Variants in IQCJ observed in about 807,000 individuals in gnomAD.
IQCJ encodes IQ motif containing J.
In IQCJ, 9 loss-of-function variants were observed where a neutral mutation model predicts 11.0. That is an observed-to-expected ratio of 0.82 (90% confidence interval 0.49 to 1.43). The LOEUF is 1.43. Among genes scored for constraint, IQCJ ranks in the 40% most tolerant of loss-of-function variants. The pLI, the probability that IQCJ is intolerant of heterozygous loss-of-function variation, is 0.00. For missense variants in IQCJ, 146 were observed against 133.2 expected, an observed-to-expected ratio of 1.10 and a Z score of -0.47; for synonymous variants, 55 against 51.3, an observed-to-expected ratio of 1.07 and a Z score of -0.31.
chr3:159,168,822 A>G (rs1370825877), intron 1 of IQCJ, among the ~76,000 whole-genome samples: 1 of 152,008 alleles, frequency 6.6e-6, no homozygotes, highest in Non-Finnish European at 1.5e-5. Flanking sequence ...AAAAAAACCC[A>G]AAGAACAAAA....
Position 159,104,469 on chromosome 3 carries a change from G to C in IQCJ, c.9+35028G>C, listed in dbSNP as rs879808884. Among the ~76,000 whole-genome samples the C allele has an allele frequency of 1.2e-4, 19 of 152,192 alleles. 1 individual carries two copies. The highest frequency in any genetic ancestry group is 2.6e-4 in the Admixed American group (4 of 15,282). ...TAATTGTATGTGTTAATGTGCTATA[G>C]TTCTTATTCTTTCTTACCTTTTCCC... On this transcript the variant is annotated intron_variant, in intron 1 of 3. Transcript: ENST00000397832.
intron 1 of IQCJ, among the ~76,000 whole-genome samples, chr3:159,176,015 ATG>A (rs747965944): frequency 6.6e-6 from 1 of 152,160 alleles, no homozygotes; most frequent in African/African-American, 2.4e-5. Flanking sequence ...TAGTTGGTGT[ATG>A]TATTTCCCTA....
chr3:159,117,452 G>A (rs183303276), intron 1 of IQCJ, among the ~76,000 whole-genome samples: 11 of 152,230 alleles, frequency 7.2e-5, no homozygotes, highest in Admixed American at 1.3e-4. Context: ...CTTATTTCCC[G>A]TTTAGTCCTT....
chr3:159,080,499 G>C (rs555396922), intron 1 of IQCJ, among the ~76,000 whole-genome samples: 1 of 152,036 alleles, frequency 6.6e-6, no homozygotes, highest in African/African-American at 2.4e-5. Flanking sequence ...CACCAGCCCC[G>C]CTGTCAGAGT....
At chr3:159,203,678 G>T (rs1264399253) in intron 1 of IQCJ, among the ~76,000 whole-genome samples, 1 of 152,066 alleles carries the variant, frequency 6.6e-6, no homozygotes, top group Non-Finnish European at 1.5e-5. Context: ...GAGAAGCGGG[G>T]AGGTGGGAGA....
At chr3:159,222,295 G>A (rs2621279) in intron 1 of IQCJ, among the ~76,000 whole-genome samples, 122,616 of 152,130 alleles carry the variant, frequency 0.81, 50,286 homozygotes, top group African/African-American at 0.95. Flanking sequence ...CTACACATAC[G>A]CATGAAATAT....
intron 1 of IQCJ, among the ~76,000 whole-genome samples, chr3:159,202,529 A>G (rs1724411351): frequency 6.6e-6 from 1 of 152,140 alleles, no homozygotes; most frequent in African/African-American, 2.4e-5. Flanking sequence ...TCTCTCTTGA[A>G]GCAGATAAGG....
In IQCJ at chr3:159,149,074, A is replaced by G. The variant is rs540994276; in HGVS notation, c.9+79633A>G. The stretch of plus-strand genomic sequence containing the variant: ...CCCACTAAATAATTAAAATAAACAA[A>G]TGACTAATTTGCTTACTTTTAATTT... On this transcript the variant is annotated intron_variant, in intron 1 of 3. Transcript: ENST00000397832. Among the ~76,000 whole-genome samples, 12 of 152,340 alleles carry G rather than the reference A, an allele frequency of 7.9e-5. No individual in the cohort carries two copies. In the South Asian group the frequency reaches 2.5e-3, roughly 32 times the overall value.
rs377664899 is a variant in IQCJ, at chr3:159,115,293, C to T, written c.9+45852C>T. 2.2e-4 allele frequency among the ~76,000 whole-genome samples: 34 copies of T among 152,304 alleles called. No homozygotes were observed. In the East Asian group the frequency reaches 3.3e-3, roughly 15 times the overall value. On this transcript the variant is annotated intron_variant, in intron 1 of 3. Transcript: ENST00000397832. ...GGCCTCATCCCTTCAACACCCCCAC[C>T]CCCATTAACACATGGATGGTGAAAA...
At chr3:159,146,411 G>A (rs1720930538) in intron 1 of IQCJ, among the ~76,000 whole-genome samples, 1 of 152,176 alleles carries the variant, frequency 6.6e-6, no homozygotes, top group Non-Finnish European at 1.5e-5. Context: ...CTTGCCTCCT[G>A]TGCCCCTTTG....
At chr3:159,261,348 A>G (rs11924990) in intron 3 of IQCJ, among the ~76,000 whole-genome samples, 22,102 of 152,164 alleles carry the variant, frequency 0.15, 1,831 homozygotes, top group Middle Eastern at 0.21. Flanking sequence ...GACCCCCCCT[A>G]TGAAAATCGA....
Position 159,263,731 on chromosome 3 carries a change from G to A in IQCJ, c.*1000G>A. 12 of 984,888 alleles carry A rather than the reference G, an allele frequency of 1.2e-5. No individual in the cohort carries two copies. Among genetic ancestry groups the A allele is most frequent in the Non-Finnish European group, 1.4e-5 (12 of 829,444 alleles). The allele number at this position is 984,888 out of a possible 1,614,324, so 61.0% of individuals were successfully genotyped here. Reference sequence around the variant, plus strand: ...TGAAATGTTTTCAGATGGTTGCATTGCATATTCTTCAATAAATGGTTTTGC... The same window carrying A: ...TGAAATGTTTTCAGATGGTTGCATTACATATTCTTCAATAAATGGTTTTGC... On this transcript the variant is annotated 3_prime_UTR_variant, in exon 4 of 4. Coordinates refer to ENST00000397832, the MANE Select transcript of IQCJ (RefSeq NM_001042706.3).
intron 1 of IQCJ, among the ~76,000 whole-genome samples, chr3:159,202,472 C>T (rs559631485): frequency 2.6e-5 from 4 of 152,154 alleles, no homozygotes; most frequent in Non-Finnish European, 5.9e-5. Context: ...TTCCCAGGTG[C>T]TTCCTATGGA....
intron 1 of IQCJ, among the ~76,000 whole-genome samples, chr3:159,159,998 A>G (rs1375108928): frequency 1.3e-5 from 2 of 152,204 alleles, no homozygotes; most frequent in Non-Finnish European, 2.9e-5. Flanking sequence ...TTTTCATTAT[A>G]AATTACCCAT....
At chr3:159,180,055 C>T (rs555684907) in intron 1 of IQCJ, among the ~76,000 whole-genome samples, 26 of 152,196 alleles carry the variant, frequency 1.7e-4, no homozygotes, top group African/African-American at 5.1e-4. Context: ...TGGTAGAAGG[C>T]GCTAGGGCAG....
At chr3:159,225,417 C>A (rs1725799890) in intron 1 of IQCJ, among the ~76,000 whole-genome samples, 1 of 151,966 alleles carries the variant, frequency 6.6e-6, no homozygotes, top group South Asian at 2.1e-4. Context: ...AAGGGGGGAG[C>A]AGAGGAGCCT....
chr3:159,216,740 A>T (rs1472600518), intron 1 of IQCJ, among the ~76,000 whole-genome samples: 1 of 152,122 alleles, frequency 6.6e-6, no homozygotes, highest in Non-Finnish European at 1.5e-5. Flanking sequence ...TCCATTTCCC[A>T]TTAATGGTGT....
At chr3:159,233,709 G>A (rs1726405178) in intron 1 of IQCJ, among the ~76,000 whole-genome samples, 1 of 152,100 alleles carries the variant, frequency 6.6e-6, no homozygotes, top group African/African-American at 2.4e-5. Flanking sequence ...GAGCAGAGCT[G>A]GACACCACAG....
At chr3:159,203,639 G>A (rs1051236243) in intron 1 of IQCJ, among the ~76,000 whole-genome samples, 1 of 152,086 alleles carries the variant, frequency 6.6e-6, no homozygotes, top group Admixed American at 6.5e-5. Flanking sequence ...GGGAGGAGGT[G>A]GGTGCTGTAT....
Sources: gnomAD v4.1 joint callset for allele counts (sites outside exome capture counted in the v4.1 genomes callset) on GRCh38, gnomAD v4.1.1 for gene constraint, MANE v1.5 for transcripts, NCBI Gene and HGNC (gene_info 2026-07-23, HGNC 2026-07-21) for gene names.